PRKG1: variants seen among roughly 807,000 people sequenced by gnomAD.
PRKG1 encodes the protein cGMP-dependent protein kinase 1.
PRKG1 carries 35 observed loss-of-function variants against 88.1 expected under a neutral mutation model. The ratio of observed to expected loss-of-function variants is 0.40; its 90% CI spans 0.30 to 0.53. The LOEUF is 0.53. Ranked by LOEUF, PRKG1 falls within the 20% of genes least tolerant of loss-of-function variation. PRKG1 has a pLI of 0.59. For synonymous variants in PRKG1, 303 were observed against 292.5 expected (o/e 1.04, Z -0.37); for missense variants, 540 against 839.8 (o/e 0.64, Z 4.41).
At chr10:52,004,985 G>T (rs1310713291) in intron 5 of PRKG1, among the ~76,000 whole-genome samples, 2 of 152,106 alleles carry the variant, frequency 1.3e-5, no homozygotes, top group East Asian at 3.9e-4. Flanking sequence ...ATCAATATGA[G>T]TTTGCCTAAA....
chr10:51,903,974 A>G (rs888141701), intron 4 of PRKG1, among the ~76,000 whole-genome samples: 12 of 152,126 alleles, frequency 7.9e-5, no homozygotes, highest in African/African-American at 2.7e-4. Flanking sequence ...TATTATCTAT[A>G]AAACCCTTAG....
intron 3 of PRKG1, among the ~76,000 whole-genome samples, chr10:51,756,771 C>G (rs569225742): frequency 1.4e-5 from 2 of 147,330 alleles, no homozygotes; most frequent in Admixed American, 6.8e-5. Context: ...GCTGAGATCG[C>G]GCCACTGCAC....
At chr10:51,465,040 G>A (rs543442184) in intron 2 of PRKG1, among the ~76,000 whole-genome samples, 1 of 152,254 alleles carries the variant, frequency 6.6e-6, no homozygotes, top group Non-Finnish European at 1.5e-5. Flanking sequence ...AAAATTAATT[G>A]TCAGTAAATT....
intron 4 of PRKG1, among the ~76,000 whole-genome samples, chr10:51,850,822 T>C (rs150116783): frequency 2.6e-5 from 4 of 152,292 alleles, no homozygotes; most frequent in African/African-American, 7.2e-5. Flanking sequence ...ATTCCAACTA[T>C]GACAACATAC....
At chr10:51,703,216 C>T (rs1841517299) in intron 3 of PRKG1, among the ~76,000 whole-genome samples, 1 of 152,044 alleles carries the variant, frequency 6.6e-6, no homozygotes, top group South Asian at 2.1e-4. Context: ...ATTCTATACA[C>T]TTTGAAGGAA....
chr10:51,398,119 G>A (rs1475492088), intron 2 of PRKG1, among the ~76,000 whole-genome samples: 1 of 152,154 alleles, frequency 6.6e-6, no homozygotes, highest in Non-Finnish European at 1.5e-5. Context: ...ATCACAAAGG[G>A]AAGAGTAACC....
At position 51,326,720 on chromosome 10, in the gene PRKG1, T is replaced by C. The variant is rs1442368559; in HGVS notation, c.479-141003T>C. ...ACAAGCCTCAGCTCACTGACTGTCA[T>C]GTGATTTTAAAGAATAGCTTTCCCA... On this transcript the variant is annotated intron_variant, in intron 2 of 17. Coordinates refer to ENST00000373980, the MANE Select transcript of PRKG1 (RefSeq NM_006258.4). Among the ~76,000 whole-genome samples, 3 of 152,202 alleles carry C rather than the reference T, an allele frequency of 2.0e-5. No individual in the cohort carries two copies. In the East Asian group the frequency reaches 5.8e-4, roughly 29 times the overall value.
At chr10:51,931,384 C>T (rs1842692145) in intron 5 of PRKG1, among the ~76,000 whole-genome samples, 2 of 152,064 alleles carry the variant, frequency 1.3e-5, no homozygotes, top group African/African-American at 4.8e-5. Flanking sequence ...GAGGCCATGG[C>T]CAGAAAATCA....
chr10:51,600,953 TGAA>T (rs1431511080), intron 3 of PRKG1, among the ~76,000 whole-genome samples: 2 of 129,492 alleles, frequency 1.5e-5, no homozygotes, highest in African/African-American at 6.1e-5. Context: ...AAGATGAAGA[TGAA>T]GAAGGAGGAA....
intron 2 of PRKG1, among the ~76,000 whole-genome samples, chr10:51,291,522 C>T (rs1840582491): frequency 6.6e-6 from 1 of 152,130 alleles, no homozygotes; most frequent in Non-Finnish European, 1.5e-5. Context: ...GTCTGAGTCT[C>T]CTTGCTCAGA....
intron 3 of PRKG1, among the ~76,000 whole-genome samples, chr10:51,490,565 A>G (rs1840678516): frequency 1.3e-5 from 2 of 152,114 alleles, no homozygotes; most frequent in Non-Finnish European, 1.5e-5. Flanking sequence ...TTATTTCAAT[A>G]AAGATTTGAG....
chr10:51,031,692 T>C (rs539224828), intron 1 of PRKG1, among the ~76,000 whole-genome samples: 7 of 152,294 alleles, frequency 4.6e-5, no homozygotes, highest in African/African-American at 1.2e-4. Flanking sequence ...TCAGAGAAGT[T>C]ACATGAGTTA....
intron 1 of PRKG1, among the ~76,000 whole-genome samples, chr10:51,087,841 T>G (rs1054379383): frequency 7.9e-5 from 12 of 152,352 alleles, no homozygotes; most frequent in African/African-American, 2.6e-4. Context: ...CTTGGTTCAC[T>G]GCAACCTCCG....
chr10:51,037,244 T>G (rs935729371), intron 1 of PRKG1, among the ~76,000 whole-genome samples: 1 of 151,870 alleles, frequency 6.6e-6, no homozygotes, highest in Non-Finnish European at 1.5e-5. Flanking sequence ...GTCCAGGAGT[T>G]TGAGACCAGC....
At chr10:51,369,606 G>A (rs1390311046) in intron 2 of PRKG1, among the ~76,000 whole-genome samples, 1 of 152,088 alleles carries the variant, frequency 6.6e-6, no homozygotes, top group Non-Finnish European at 1.5e-5. Flanking sequence ...AGGCTGTACA[G>A]CTTCTTGGTT....
chr10:51,029,274 A>G (rs549729570), intron 1 of PRKG1, among the ~76,000 whole-genome samples: 25 of 152,298 alleles, frequency 1.6e-4, no homozygotes, highest in African/African-American at 5.5e-4. Context: ...TCACACAGGT[A>G]TTATTCATTT....
chr10:51,079,497 C>A (rs1844052325), intron 1 of PRKG1, among the ~76,000 whole-genome samples: 2 of 152,110 alleles, frequency 1.3e-5, no homozygotes, highest in South Asian at 4.2e-4. Context: ...AAAGTGACAG[C>A]ACAGAAAAAG....
At chr10:51,577,866 T>C (rs1034500521) in intron 3 of PRKG1, among the ~76,000 whole-genome samples, 2 of 152,126 alleles carry the variant, frequency 1.3e-5, no homozygotes, top group African/African-American at 4.8e-5. Context: ...TTTCCGTGCT[T>C]CCTGGAATAT....
Position 52,168,815 on chromosome 10 carries a change from T to G in PRKG1, c.1076+6852T>G, listed in dbSNP as rs115503182. Among the ~76,000 whole-genome samples the G allele has an allele frequency of 3.9e-3, 598 of 152,042 alleles. 6 individuals carry two copies. Among genetic ancestry groups the G allele is most frequent in the African/African-American group, 0.014 (565 of 41,474 alleles). Reference sequence around the variant, plus strand: ...AAAGGTCAGGGAAAATGCAAAGAATTTTGATCTGAATATTGGAGAGAAGTG... The same window carrying G: ...AAAGGTCAGGGAAAATGCAAAGAATGTTGATCTGAATATTGGAGAGAAGTG... On this transcript the variant is annotated intron_variant, in intron 9 of 17. Transcript: ENST00000373980.
Sources: allele counts gnomAD v4.1 joint callset (sites outside exome capture counted in the v4.1 genomes callset), GRCh38; gene constraint gnomAD v4.1.1; transcripts MANE v1.5; gene names NCBI Gene and HGNC (gene_info 2026-07-23, HGNC 2026-07-21).